STK33: variants seen among roughly 807,000 people sequenced by gnomAD.
STK33 encodes serine/threonine kinase 33, also known as serine/threonine-protein kinase 33.
STK33 carries 52 observed loss-of-function variants against 58.0 expected under a neutral mutation model. The ratio of observed to expected loss-of-function variants is 0.90; its 90% CI spans 0.72 to 1.13. The LOEUF is 1.13. Among genes scored for constraint, STK33 ranks in the 50% most tolerant of loss-of-function variants. The pLI is 0.00. For synonymous variants in STK33, 215 were observed against 200.1 expected (o/e 1.07, Z -0.63); for missense variants, 630 against 604.2 (o/e 1.04, Z -0.45).
intron 12 of STK33, among the ~76,000 whole-genome samples, chr11:8,438,246 G>C (rs1210732233): frequency 6.6e-6 from 1 of 152,066 alleles, no homozygotes; most frequent in Non-Finnish European, 1.5e-5. Context: ...TTTTATGACA[G>C]CAATTTCCTG....
chr11:8,534,399 T>A (rs1374632218), intron 1 of STK33, among the ~76,000 whole-genome samples: 2 of 152,102 alleles, frequency 1.3e-5, no homozygotes, highest in Non-Finnish European at 2.9e-5. Flanking sequence ...AGAACCACAC[T>A]GCAATGTTTT....
intron 1 of STK33, among the ~76,000 whole-genome samples, chr11:8,524,564 G>C (rs1012447436): frequency 1.3e-5 from 2 of 152,048 alleles, no homozygotes; most frequent in Admixed American, 1.3e-4. Flanking sequence ...TCAAAACCAT[G>C]ATGAACTATC....
At chr11:8,520,763 A>T (rs182267006) in intron 1 of STK33, among the ~76,000 whole-genome samples, 172 of 152,274 alleles carry the variant, frequency 1.1e-3, no homozygotes, top group African/African-American at 3.3e-3. Flanking sequence ...AAGAGAATAA[A>T]AAACCTAGGA....
chr11:8,506,021 T>C (rs1056372654), intron 1 of STK33, among the ~76,000 whole-genome samples: 2 of 152,212 alleles, frequency 1.3e-5, no homozygotes, highest in African/African-American at 2.4e-5. Flanking sequence ...AACTGCAAAA[T>C]GGCTTTAAAA....
chr11:8,457,570 A>C lies in STK33; in HGVS notation c.559-91T>G, dbSNP rs561654723. 12 of 1,117,342 alleles carry C rather than the reference A, an allele frequency of 1.1e-5. No individual in the cohort carries two copies. In the African/African-American group the frequency reaches 1.2e-4, roughly 12 times the overall value. The allele number at this position is 1,117,342 out of a possible 1,614,324, so 69.2% of individuals were successfully genotyped here. A position where few individuals can be genotyped will look rare whatever the true frequency, so the allele number is the denominator to read the frequency against. On this transcript the variant is annotated intron_variant, in intron 8 of 15. Transcript: ENST00000687296. ...ATATCACATATACAATCACAGTCATAATCATTAATTTATTCATTCAAAAGT... is the reference window on the plus strand; with the variant it reads ...ATATCACATATACAATCACAGTCATCATCATTAATTTATTCATTCAAAAGT...
intron 1 of STK33, among the ~76,000 whole-genome samples, chr11:8,534,132 G>A (rs1027946036): frequency 4.7e-4 from 71 of 152,130 alleles, no homozygotes; most frequent in African/African-American, 1.4e-3. Context: ...AAAATTAGCC[G>A]GGCGTGGTGG....
intron 1 of STK33, among the ~76,000 whole-genome samples, chr11:8,487,562 A>C (rs943072891): frequency 1.3e-5 from 2 of 152,146 alleles, no homozygotes; most frequent in African/African-American, 4.8e-5. Flanking sequence ...AAGAATTCTG[A>C]ATAACATTAA....
At chr11:8,345,030 C>G in the STK33 span, among the ~76,000 whole-genome samples, 218 of 152,302 alleles carry the variant, frequency 1.4e-3, no homozygotes, top group Non-Finnish European at 2.4e-3. Context: ...AGCAGAAAGG[C>G]TGGTCCAGTG....
intron 1 of STK33, among the ~76,000 whole-genome samples, chr11:8,548,759 G>C (rs1319488589): frequency 6.6e-6 from 1 of 152,058 alleles, no homozygotes; most frequent in Non-Finnish European, 1.5e-5. Flanking sequence ...CTTTCCATTT[G>C]TTTGTGTCCT....
Position 8,477,301 on chromosome 11 carries a change from G to A in STK33, c.-260-18C>T, listed in dbSNP as rs891151395. The A allele has an allele frequency of 1.3e-5, 2 of 152,106 alleles. No individual in the cohort carries two copies. The highest frequency in any genetic ancestry group is 4.8e-5 in the African/African-American group (2 of 41,428). The allele number at this position is 152,106 out of a possible 1,614,324, so 9.4% of individuals were successfully genotyped here. On this transcript the variant is annotated intron_variant, in intron 2 of 15. Transcript: ENST00000687296. ...CTTCAGGCCTAGAAGAAAATGTTTTGCATTTCAGGTTAAATATAAAACCCA... is the reference window on the plus strand; with the variant it reads ...CTTCAGGCCTAGAAGAAAATGTTTTACATTTCAGGTTAAATATAAAACCCA...
intron 1 of STK33, among the ~76,000 whole-genome samples, chr11:8,520,737 G>A (rs113068404): frequency 8.0e-4 from 122 of 152,086 alleles, no homozygotes; most frequent in African/African-American, 2.7e-3. Flanking sequence ...GTGAACTCAC[G>A]TTCACAATTG....
At chr11:8,382,019 G>A in the STK33 span, among the ~76,000 whole-genome samples, 5 of 151,918 alleles carry the variant, frequency 3.3e-5, no homozygotes, top group East Asian at 1.9e-4. Context: ...AGTATGCACC[G>A]TGCCTCTCCC....
the STK33 span, among the ~76,000 whole-genome samples, chr11:8,337,360 C>G: frequency 1.3e-5 from 2 of 152,206 alleles, no homozygotes; most frequent in Non-Finnish European, 1.5e-5. Context: ...TGGATCACCT[C>G]CATGGCTGTG....
chr11:8,521,614 A>T (rs1953445467), intron 1 of STK33, among the ~76,000 whole-genome samples: 1 of 152,250 alleles, frequency 6.6e-6, no homozygotes, highest in African/African-American at 2.4e-5. Flanking sequence ...ACAAAAGCCA[A>T]AATTGACAAA....
chr11:8,569,278 T>G (rs9300093), intron 1 of STK33, among the ~76,000 whole-genome samples: 81,768 of 152,052 alleles, frequency 0.54, 22,167 homozygotes, highest in South Asian at 0.65. Flanking sequence ...TCAAGACACT[T>G]TGGTATTGGT....
chr11:8,546,810 A>T (rs1331687481), intron 1 of STK33, among the ~76,000 whole-genome samples: 1 of 152,198 alleles, frequency 6.6e-6, no homozygotes. Context: ...TATATTTACC[A>T]CATTTTCTTT....
At chr11:8,360,895 G>C in the STK33 span, among the ~76,000 whole-genome samples, 1 of 152,210 alleles carries the variant, frequency 6.6e-6, no homozygotes, top group Admixed American at 6.5e-5. Context: ...GCTTGGTTTA[G>C]ATCCATGTGG....
intron 6 of STK33, among the ~76,000 whole-genome samples, chr11:8,471,571 T>C (rs1182885997): frequency 6.6e-6 from 1 of 152,116 alleles, no homozygotes; most frequent in African/African-American, 2.4e-5. Flanking sequence ...GTAAGGGTAA[T>C]AGAATTGTGG....
intron 1 of STK33, among the ~76,000 whole-genome samples, chr11:8,577,380 A>G (rs1958264722): frequency 6.6e-6 from 1 of 152,090 alleles, no homozygotes; most frequent in Non-Finnish European, 1.5e-5. Context: ...ATATTAGGAG[A>G]ACAAACAAAA....
Sources: gnomAD v4.1 joint callset for allele counts (sites outside exome capture counted in the v4.1 genomes callset) on GRCh38, gnomAD v4.1.1 for gene constraint, MANE v1.5 for transcripts, NCBI Gene and HGNC (gene_info 2026-07-23, HGNC 2026-07-21) for gene names.